The following USP4 variants were observed in gnomAD, a reference collection of about 807,000 sequenced individuals.
The protein encoded by USP4 is ubiquitin specific peptidase 4, also known as ubiquitin carboxyl-terminal hydrolase 4.
USP4 carries 72 observed loss-of-function variants against 118.2 expected under a neutral mutation model. The ratio of observed to expected loss-of-function variants is 0.61; its 90% confidence interval spans 0.50 to 0.74. USP4 has a LOEUF of 0.74. Ranked by LOEUF, USP4 falls within the 30% of genes least tolerant of loss-of-function variation. USP4 has a pLI of 0.00. For missense variants in USP4, 1,037 were observed against 1,185.7 expected, an observed-to-expected ratio of 0.87 and a Z score of 1.84; for synonymous variants, 415 against 440.4, an observed-to-expected ratio of 0.94 and a Z score of 0.72.
intron 15 of USP4, among the ~76,000 whole-genome samples, chr3:49,290,045 C>T (rs2047136515): frequency 6.6e-6 from 1 of 152,150 alleles, no homozygotes; most frequent in Non-Finnish European, 1.5e-5. Flanking sequence ...TTGCTTGAGC[C>T]CAGGAGGTCA....
chr3:49,284,703 T>A (rs1365679737), intron 17 of USP4, 119 bp from the exon 18 acceptor site: 2 of 1,242,294 alleles, frequency 1.6e-6, no homozygotes, highest in Non-Finnish European at 2.3e-6. Context: ...CCTCTGAATA[T>A]AAAATGACAA....
intron 15 of USP4, among the ~76,000 whole-genome samples, chr3:49,290,395 C>A (rs974012752): frequency 6.6e-6 from 1 of 152,318 alleles, no homozygotes; most frequent in South Asian, 2.1e-4. Flanking sequence ...GCCTGGCCAA[C>A]AAAGTGGACT....
Position 49,300,479 on chromosome 3 carries a change from G to A in USP4, c.1500C>T (p.Cys500=). 1.2e-6 allele frequency: 2 copies of A among 1,614,100 alleles called. No homozygotes were observed. ...EVFLVPADPH[C]RPTQYRVTVP... ...TGGATTCTGTCACCTGAGTAGGTCT[G>A]CAGTGAGGGTCAGCAGGAACCAGGA... Residue 500 remains cysteine, a synonymous_variant, in exon 11 of 22, where the codon TGC becomes TGT. Transcript: ENST00000265560.
chr3:49,310,263 G>T (rs1323690147), intron 8 of USP4, among the ~76,000 whole-genome samples: 1 of 152,152 alleles, frequency 6.6e-6, no homozygotes, highest in Non-Finnish European at 1.5e-5. Context: ...TCAGCCTTCA[G>T]CAAAGCATAA....
At chr3:49,284,232 G>T in intron 18 of USP4, 96 bp from the exon 19 acceptor site, 1 of 1,514,446 alleles carries the variant, frequency 6.6e-7, no homozygotes, top group Non-Finnish European at 9.1e-7. Flanking sequence ...CCTGATAGCT[G>T]CCATCCTCTC....
chr3:49,309,610 G>A (rs2047359154), intron 8 of USP4, among the ~76,000 whole-genome samples: 1 of 148,460 alleles, frequency 6.7e-6, no homozygotes, highest in Non-Finnish European at 1.5e-5. Flanking sequence ...GGAGCATGGG[G>A]CGGGACAGCT....
At position 49,294,445 on chromosome 3, in the gene USP4, G is replaced by GGTTA. The variant is rs1559467677; in HGVS notation, c.1841_1844dup (p.Leu616AsnfsTer3). 5.6e-6 allele frequency: 9 copies of GGTTA among 1,614,142 alleles called. No individual in the cohort carries two copies. The highest frequency in any genetic ancestry group is 7.6e-6 in the Non-Finnish European group (9 of 1,180,008). On this transcript the variant is annotated frameshift_variant, in exon 14 of 22. Transcript: ENST00000265560. LOFTEE classifies it high-confidence loss of function. ...AAACAGCCTGGTACAAAGACTCAAGGGTTAACTTGTGCTTGGGGACAGAAA... is the reference window on the plus strand; with the variant it reads ...AAACAGCCTGGTACAAAGACTCAAGGGTTAGTTAACTTGTGCTTGGGGACAGAAA...
intron 6 of USP4, chr3:49,314,077 T>C (rs1299962844): frequency 1.3e-5 from 2 of 152,210 alleles, no homozygotes; most frequent in African/African-American, 2.4e-5. Flanking sequence ...AATACTGGGT[T>C]ATTTTTAGAA....
At chr3:49,302,660 T>TAA (rs1177014473) in intron 9 of USP4, 118 bp from the exon 10 acceptor site, 14 of 990,110 alleles carry the variant, frequency 1.4e-5, no homozygotes, top group Non-Finnish European at 1.7e-5. Context: ...AGAGAACACT[T>TAA]GGTTGAGTAG....
intron 13 of USP4, among the ~76,000 whole-genome samples, chr3:49,296,509 C>T (rs552780679): frequency 3.4e-5 from 5 of 147,314 alleles, no homozygotes; most frequent in Non-Finnish European, 6.0e-5. Flanking sequence ...ATGAGCCAGG[C>T]GTGGTGGCGG....
Position 49,332,070 on chromosome 3 carries a change from C to T in USP4, c.229+3399G>A, listed in dbSNP as rs562742374. Among the ~76,000 whole-genome samples, 690 of 151,640 alleles carry T rather than the reference C, an allele frequency of 4.6e-3. 4 individuals are homozygous for T. Among genetic ancestry groups the T allele is most frequent in the African/African-American group, 0.016 (643 of 41,338 alleles). ...GGTGGACCACCTGAGGTCAGGAGTT[C>T]GAGACCAGGCTGGCCAACGTGCTGA... On this transcript the variant is annotated intron_variant, in intron 2 of 21. Coordinates refer to ENST00000265560, the MANE Select transcript of USP4 (RefSeq NM_003363.4).
chr3:49,288,675 C>CA (rs1430926710), intron 15 of USP4, among the ~76,000 whole-genome samples: 2 of 150,356 alleles, frequency 1.3e-5, no homozygotes, highest in African/African-American at 4.9e-5. Flanking sequence ...AACTCCACCT[C>CA]AAAAAAAAGA....
At chr3:49,311,960 T>C (rs1354425272) in intron 6 of USP4, 29 of 1,014,908 alleles carry the variant, frequency 2.9e-5, no homozygotes, top group Middle Eastern at 4.6e-4. Context: ...GGCAGGCAGA[T>C]TGCCTGAGCT....
chr3:49,326,040 C>T (rs1360586633), intron 3 of USP4, among the ~76,000 whole-genome samples, 195 bp from the exon 4 acceptor site: 4 of 152,080 alleles, frequency 2.6e-5, no homozygotes, highest in African/African-American at 7.2e-5. Context: ...TTTCTGGCCG[C>T]GTGTGGTGGC....
chr3:49,336,823 CAA>C (rs2047673539), intron 1 of USP4, among the ~76,000 whole-genome samples: 1 of 152,072 alleles, frequency 6.6e-6, no homozygotes, highest in South Asian at 2.1e-4. Flanking sequence ...CACCCGGCCA[CAA>C]GTCATTAATT....
At chr3:49,294,332 G>A in intron 14 of USP4, 75 bp downstream of exon 14, 3 of 1,470,990 alleles carry the variant, frequency 2.0e-6, no homozygotes, top group Non-Finnish European at 2.8e-6. Context: ...ACAGCCACTT[G>A]GCAGGAGTTG....
intron 13 of USP4, among the ~76,000 whole-genome samples, chr3:49,295,361 A>G (rs2047193718): frequency 6.6e-6 from 1 of 151,502 alleles, no homozygotes; most frequent in Non-Finnish European, 1.5e-5. Flanking sequence ...TATTGTACAA[A>G]GATGTACACC....
intron 2 of USP4, among the ~76,000 whole-genome samples, chr3:49,333,698 T>C (rs894708980): frequency 6.6e-6 from 1 of 152,170 alleles, no homozygotes; most frequent in Admixed American, 6.6e-5. Flanking sequence ...CTGTCTTACA[T>C]GGGCTCCCTT....
At chr3:49,292,686 A>G (rs1376933736) in intron 14 of USP4, 88 bp from the exon 15 acceptor site, 12 of 847,926 alleles carry the variant, frequency 1.4e-5, no homozygotes, top group African/African-American at 5.2e-5. Context: ...GAAGTAGTTC[A>G]TAATTTATAT....
Sources: allele counts gnomAD v4.1 joint callset (sites outside exome capture counted in the v4.1 genomes callset), GRCh38; gene constraint gnomAD v4.1.1; transcripts MANE v1.5; gene names NCBI Gene and HGNC (gene_info 2026-07-23, HGNC 2026-07-21).